BCKDHB: variants seen among roughly 807,000 people sequenced by gnomAD.
BCKDHB encodes branched chain keto acid dehydrogenase E1 subunit beta.
BCKDHB carries 41 observed loss-of-function variants against 48.5 expected under a neutral mutation model. The ratio of observed to expected loss-of-function variants is 0.85; its 90% CI spans 0.66 to 1.10. The LOEUF is 1.10. Among genes scored for constraint, BCKDHB ranks in the 50% least tolerant of loss-of-function variants. The probability of loss-of-function intolerance (pLI) is 0.00; values close to 1 mark genes in which losing one functional copy is unlikely to be tolerated. For synonymous variants in BCKDHB, 201 were observed against 174.8 expected, an observed-to-expected ratio of 1.15 and a Z score of -1.18; for missense variants, 496 against 494.2, an observed-to-expected ratio of 1.00 and a Z score of -0.03.
At chr6:80,304,978 A>C (rs535577576) in intron 9 of BCKDHB, among the ~76,000 whole-genome samples, 2 of 152,290 alleles carry the variant, frequency 1.3e-5, no homozygotes, top group East Asian at 3.9e-4. Context: ...ATTAGCTTTA[A>C]TATCAGAAAC....
the BCKDHB span, among the ~76,000 whole-genome samples, chr6:80,414,180 C>G: frequency 6.6e-6 from 1 of 151,702 alleles, no homozygotes; most frequent in Non-Finnish European, 1.5e-5. Flanking sequence ...GTTTAAGTTT[C>G]TCATTGATGT....
chr6:80,333,105 G>A (rs1297309015), intron 9 of BCKDHB, among the ~76,000 whole-genome samples: 1 of 152,070 alleles, frequency 6.6e-6, no homozygotes, highest in Non-Finnish European at 1.5e-5. Flanking sequence ...AATTCTACTA[G>A]TCTCTTTTTC....
At chr6:80,154,534 T>C (rs1377712763) in intron 3 of BCKDHB, among the ~76,000 whole-genome samples, 1 of 152,212 alleles carries the variant, frequency 6.6e-6, no homozygotes, top group Admixed American at 6.5e-5. Flanking sequence ...CATCTTAAGA[T>C]AATTTCATTC....
chr6:80,139,745 C>T (rs1478799186), intron 3 of BCKDHB, among the ~76,000 whole-genome samples: 1 of 151,992 alleles, frequency 6.6e-6, no homozygotes, highest in Non-Finnish European at 1.5e-5. Context: ...TGTGATGCCT[C>T]CAGCTTTGTT....
chr6:80,231,144 A>G lies in BCKDHB; in HGVS notation c.951+27932A>G, dbSNP rs186784749. On this transcript the variant is annotated intron_variant, in intron 8 of 9. Coordinates refer to ENST00000320393, the MANE Select transcript of BCKDHB (RefSeq NM_183050.4). ...CTATTTCAAGTCACTTGGGAAGGAT[A>G]GTTTACTGAATAAATGGTGCTGACA... is the stretch of plus-strand genomic sequence containing the variant. Among the ~76,000 whole-genome samples the G allele has an allele frequency of 3.7e-4, 56 of 152,374 alleles. No individual in the cohort carries two copies. The East Asian group carries it at 9.8e-3, about 27-fold the overall frequency.
At chr6:80,113,083 G>A (rs1769497768) in intron 1 of BCKDHB, among the ~76,000 whole-genome samples, 1 of 152,180 alleles carries the variant, frequency 6.6e-6, no homozygotes, top group African/African-American at 2.4e-5. Flanking sequence ...GCCATTACTG[G>A]TTAACCTATA....
intron 9 of BCKDHB, among the ~76,000 whole-genome samples, chr6:80,320,122 G>T (rs896354480): frequency 5.9e-5 from 9 of 152,058 alleles, no homozygotes; most frequent in African/African-American, 2.2e-4. Flanking sequence ...AAGTTAAATA[G>T]GATATGTTTA....
chr6:80,307,849 T>C lies in BCKDHB; in HGVS notation c.1038+34628T>C, dbSNP rs1409481187. The C allele has an allele frequency of 3.1e-6, 3 of 983,138 alleles. No individual in the cohort carries two copies. The African/African-American group carries it at 5.2e-5, about 17-fold the overall frequency. The allele number at this position is 983,138 out of a possible 1,614,324, so 60.9% of individuals were successfully genotyped here. On this transcript the variant is annotated intron_variant, in intron 9 of 9. Transcript: ENST00000320393. ...GAATGTGTCTATATGTGTTTTGGAC[T>C]ACTTAACACTGCAAATGCAACTTCA...
chr6:80,351,706 G>A, the BCKDHB span, among the ~76,000 whole-genome samples: 4 of 139,624 alleles, frequency 2.9e-5, no homozygotes, highest in Non-Finnish European at 6.1e-5. Context: ...GCAGTGGTAT[G>A]ATCTCGGCTC....
At chr6:80,374,008 G>A in the BCKDHB span, 1 of 620,014 alleles carries the variant, frequency 1.6e-6, no homozygotes, top group East Asian at 3.8e-5. Flanking sequence ...TTATTTTAAT[G>A]CTGAATTTAC....
intron 6 of BCKDHB, among the ~76,000 whole-genome samples, chr6:80,183,180 A>G (rs1299528542): frequency 1.3e-5 from 2 of 152,112 alleles, no homozygotes; most frequent in Non-Finnish European, 2.9e-5. Context: ...CCATATATTC[A>G]ATTTAGCCCT....
rs545911634 is a variant in BCKDHB, at chr6:80,179,363, A to G, written c.742+7973A>G. Reference sequence around the variant, plus strand: ...GTTTAACCAACCATAGATTGAAAATATTTGAAAAAATAATTACACTGAACA... The same window carrying G: ...GTTTAACCAACCATAGATTGAAAATGTTTGAAAAAATAATTACACTGAACA... On this transcript the variant is annotated intron_variant, in intron 6 of 9. Coordinates refer to ENST00000320393, the MANE Select transcript of BCKDHB (RefSeq NM_183050.4). Among the ~76,000 whole-genome samples the G allele has an allele frequency of 2.0e-5, 3 of 152,346 alleles. No homozygotes were observed. The East Asian group carries it at 5.8e-4, about 29-fold the overall frequency.
At chr6:80,153,795 G>A (rs980460656) in intron 3 of BCKDHB, among the ~76,000 whole-genome samples, 1 of 152,108 alleles carries the variant, frequency 6.6e-6, no homozygotes, top group Non-Finnish European at 1.5e-5. Flanking sequence ...TGATTTTGTG[G>A]ATGAGGAAAC....
intron 9 of BCKDHB, among the ~76,000 whole-genome samples, chr6:80,324,156 G>A (rs928554442): frequency 8.5e-5 from 13 of 152,164 alleles, no homozygotes; most frequent in Non-Finnish European, 1.6e-4. Context: ...ACTGAATTAA[G>A]TCATTCAGAG....
At chr6:80,239,786 G>A (rs1041580906) in intron 8 of BCKDHB, among the ~76,000 whole-genome samples, 8 of 152,146 alleles carry the variant, frequency 5.3e-5, no homozygotes, top group Non-Finnish European at 7.3e-5. Flanking sequence ...TGTGTAAGAT[G>A]TAAGGAAGGG....
At chr6:80,250,777 C>T (rs145727320) in intron 8 of BCKDHB, among the ~76,000 whole-genome samples, 128 of 152,260 alleles carry the variant, frequency 8.4e-4, no homozygotes, top group African/African-American at 3.0e-3. Flanking sequence ...GGATATACAG[C>T]ATGCTTATCT....
intron 8 of BCKDHB, among the ~76,000 whole-genome samples, chr6:80,261,992 T>C (rs930527433): frequency 3.3e-5 from 5 of 152,186 alleles, no homozygotes; most frequent in Non-Finnish European, 5.9e-5. Context: ...TTGTTTGCTG[T>C]GGGAATCTCC....
Position 80,106,709 on chromosome 6 carries a change from G to A in BCKDHB, c.16G>A (p.Ala6Thr), listed in dbSNP as rs894317874. ...GTGAGCGGGGATGGCGGTTGTAGCG[G>A]CGGCTGCCGGCTGGCTACTCAGGCT... MAVVA[A>T]AAGWLLRLRA... is the part of the protein sequence containing the mutation. Residue 6 changes from alanine (A) to threonine (T), a missense_variant, in exon 1 of 10, where the codon GCG becomes ACG. Ala to Thr is a moderately conservative substitution (Grantham distance 58). Coordinates refer to ENST00000320393, the MANE Select transcript of BCKDHB (RefSeq NM_183050.4). The A allele has an allele frequency of 1.3e-6, 2 of 1,551,362 alleles. No homozygotes were observed. Among genetic ancestry groups the A allele is most frequent in the Non-Finnish European group, 1.7e-6 (2 of 1,148,226 alleles).
intron 9 of BCKDHB, among the ~76,000 whole-genome samples, chr6:80,338,779 G>A (rs924016657): frequency 2.0e-5 from 3 of 152,072 alleles, no homozygotes; most frequent in African/African-American, 7.2e-5. Flanking sequence ...ATGAAACCAG[G>A]TACTTTTTAT....
Sources: gnomAD v4.1 joint callset for allele counts (sites outside exome capture counted in the v4.1 genomes callset) on GRCh38, gnomAD v4.1.1 for gene constraint, MANE v1.5 for transcripts, NCBI Gene and HGNC (gene_info 2026-07-23, HGNC 2026-07-21) for gene names.